TTC27: variants seen among roughly 807,000 people sequenced by gnomAD.
TTC27 encodes tetratricopeptide repeat domain 27.
In TTC27, 79 loss-of-function variants were observed where a neutral mutation model predicts 115.9. The observed-to-expected ratio is 0.68, with a 90% confidence interval of 0.57 to 0.82. TTC27 has a LOEUF of 0.82. TTC27 is among the 40% of genes least tolerant of loss of function. The probability of loss-of-function intolerance (pLI) is 0.00; values close to 1 mark genes in which losing one functional copy is unlikely to be tolerated. For missense variants in TTC27, 1,054 were observed against 993.1 expected (o/e 1.06, Z -0.82); for synonymous variants, 401 against 356.0 (o/e 1.13, Z -1.42).
At chr2:32,743,357 G>A (rs945840660) in intron 12 of TTC27, among the ~76,000 whole-genome samples, 2 of 152,024 alleles carry the variant, frequency 1.3e-5, no homozygotes, top group Admixed American at 6.6e-5. Flanking sequence ...TTTCACTGGA[G>A]GCTCAACTTA....
chr2:32,765,306 T>G (rs545931749), intron 13 of TTC27, among the ~76,000 whole-genome samples: 1 of 152,198 alleles, frequency 6.6e-6, no homozygotes, highest in East Asian at 1.9e-4. Flanking sequence ...TCATCAGAGC[T>G]CTTGTGTGAC....
At position 32,675,216 on chromosome 2, in the gene TTC27, G is replaced by A. The variant is rs115912840; in HGVS notation, c.1052+2832G>A. ...CTTCAGAATTACAGAGTGGCAATTAGGATGTGAATCTAAGTTTTACTGACC... is the reference window on the plus strand; with the variant it reads ...CTTCAGAATTACAGAGTGGCAATTAAGATGTGAATCTAAGTTTTACTGACC... On this transcript the variant is annotated intron_variant, in intron 8 of 19. Coordinates refer to ENST00000317907, the MANE Select transcript of TTC27 (RefSeq NM_017735.5). Among the ~76,000 whole-genome samples the A allele has an allele frequency of 5.1e-3, 784 of 152,234 alleles. 7 individuals carry two copies. Among genetic ancestry groups the A allele is most frequent in the African/African-American group, 0.017 (716 of 41,530 alleles).
chr2:32,651,468 TC>T (rs1305603770), intron 5 of TTC27, among the ~76,000 whole-genome samples: 1 of 152,174 alleles, frequency 6.6e-6, no homozygotes, highest in African/African-American at 2.4e-5. Context: ...TGCCTCAGCC[TC>T]CTGAGTAGCT....
At chr2:32,795,738 T>TATTATTATTATTATTATTATC (rs1670680498) in intron 16 of TTC27, among the ~76,000 whole-genome samples, 1 of 147,108 alleles carries the variant, frequency 6.8e-6, no homozygotes. Context: ...TTATTATTAT[T>TATTATTATTATTATTATTATC]ATTATTATTA....
At chr2:32,631,296 C>G (rs1664196560) in intron 2 of TTC27, among the ~76,000 whole-genome samples, 1 of 151,982 alleles carries the variant, frequency 6.6e-6, no homozygotes, top group Admixed American at 6.6e-5. Context: ...GAGCGAGACT[C>G]TGTCTCAAAA....
rs70938361 is a variant in TTC27, at chr2:32,685,015, CTTTTTTT to C, written c.1119+6109_1119+6115del. ...ACTAATTGCTCTGCTTTGCCTTTTCCTTTTTTTTTTTTTTTTTTTTTTAATTTTATTA... is the reference window on the plus strand; with the variant it reads ...ACTAATTGCTCTGCTTTGCCTTTTCCTTTTTTTTTTTTTTTAATTTTATTA... On this transcript the variant is annotated intron_variant, in intron 9 of 19. Transcript: ENST00000317907. Among the ~76,000 whole-genome samples the C allele has an allele frequency of 4.9e-3, 573 of 116,310 alleles. 2 individuals carry two copies. Among genetic ancestry groups the C allele is most frequent in the African/African-American group, 0.015 (502 of 32,698 alleles). 76.3% of individuals were successfully genotyped at this position (116,310 alleles called of 152,430 possible).
chr2:32,795,725 GTATTATTATTATTAT>G (rs3081615), intron 16 of TTC27, among the ~76,000 whole-genome samples: 1 of 138,696 alleles, frequency 7.2e-6, no homozygotes, highest in African/African-American at 2.7e-5. Flanking sequence ...GCTAATTTTT[GTATTATTATTATTAT>G]TATTATTATT....
At chr2:32,656,174 TA>T (rs577980888) in intron 5 of TTC27, among the ~76,000 whole-genome samples, 69 of 152,288 alleles carry the variant, frequency 4.5e-4, no homozygotes, top group Admixed American at 1.9e-3. Flanking sequence ...GTTTGATATT[TA>T]ATTTAATAAA....
Position 32,820,806 on chromosome 2 carries a change from T to TC in TTC27, c.2410-10_2410-9insC. 6.5e-7 allele frequency: 1 copy of TC among 1,528,560 alleles called. No individual in the cohort carries two copies. The highest frequency in any genetic ancestry group is 1.3e-5 in the South Asian group (1 of 79,394). 94.7% of individuals were successfully genotyped at this position (1,528,560 alleles called of 1,614,324 possible). A position where few individuals can be genotyped will look rare whatever the true frequency, so the allele number is the denominator to read the frequency against. Reference sequence around the variant, plus strand: ...GTTTTAATACTTCTGCTTTGTTTTTTATATTACAGCAACTTTTTACAGATG... The same window carrying TC: ...GTTTTAATACTTCTGCTTTGTTTTTTCATATTACAGCAACTTTTTACAGATG... On this transcript the variant is annotated splice_polypyrimidine_tract_variant and intron_variant, in intron 19 of 19. Transcript: ENST00000317907.
intron 5 of TTC27, 93 bp from the exon 6 acceptor site, chr2:32,664,210 A>G: frequency 1.8e-6 from 2 of 1,084,572 alleles, no homozygotes; most frequent in South Asian, 3.5e-5. Context: ...GAGACTATGT[A>G]CTATATACTT....
intron 15 of TTC27, among the ~76,000 whole-genome samples, chr2:32,786,359 G>A (rs1398843814): frequency 2.6e-5 from 4 of 151,888 alleles, no homozygotes; most frequent in African/African-American, 4.8e-5. Context: ...GGCTGGTCTC[G>A]AACTCCTGAC....
chr2:32,630,083 C>A (rs759813508), intron 1 of TTC27, among the ~76,000 whole-genome samples: 1 of 152,148 alleles, frequency 6.6e-6, no homozygotes, highest in South Asian at 2.1e-4. Context: ...GGCAGGAATA[C>A]GCATGGGACA....
At chr2:32,716,509 T>G (rs991304388) in intron 10 of TTC27, among the ~76,000 whole-genome samples, 1 of 152,162 alleles carries the variant, frequency 6.6e-6, no homozygotes, top group African/African-American at 2.4e-5. Flanking sequence ...TTACATTTCT[T>G]TAATACTTCT....
intron 3 of TTC27, among the ~76,000 whole-genome samples, chr2:32,635,648 C>T (rs950194115): frequency 2.6e-5 from 4 of 152,016 alleles, no homozygotes; most frequent in African/African-American, 9.7e-5. Flanking sequence ...CACGCCACTG[C>T]ACTCCAGCCT....
chr2:32,711,404 C>CT (rs1174576726), intron 10 of TTC27, among the ~76,000 whole-genome samples: 3 of 152,200 alleles, frequency 2.0e-5, no homozygotes, highest in Non-Finnish European at 2.9e-5. Flanking sequence ...CACAATTTGT[C>CT]TAAGTTTCTG....
chr2:32,729,874 C>G (rs1297217643), intron 10 of TTC27, among the ~76,000 whole-genome samples: 1 of 152,084 alleles, frequency 6.6e-6, no homozygotes, highest in Admixed American at 6.6e-5. Flanking sequence ...CCTCATACCA[C>G]TTTTTACTTA....
chr2:32,679,137 T>C (rs373122774), intron 9 of TTC27, among the ~76,000 whole-genome samples: 1 of 152,198 alleles, frequency 6.6e-6, no homozygotes, highest in African/African-American at 2.4e-5. Context: ...TACATGGTCA[T>C]GGTGAAAAAG....
chr2:32,717,008 AT>A (rs10549038), intron 10 of TTC27, among the ~76,000 whole-genome samples: 22,550 of 140,470 alleles, frequency 0.16, 2,391 homozygotes, highest in African/African-American at 0.32. Flanking sequence ...TTTTTTTTTA[AT>A]TTTTTTTTTT....
intron 5 of TTC27, among the ~76,000 whole-genome samples, chr2:32,661,565 C>T (rs1036007849): frequency 2.0e-5 from 3 of 152,048 alleles, no homozygotes; most frequent in Non-Finnish European, 2.9e-5. Flanking sequence ...ATTTGGCTCT[C>T]CATTTGTCTG....
Sources: gnomAD v4.1 joint callset for allele counts (sites outside exome capture counted in the v4.1 genomes callset) on GRCh38, gnomAD v4.1.1 for gene constraint, MANE v1.5 for transcripts, NCBI Gene and HGNC (gene_info 2026-07-23, HGNC 2026-07-21) for gene names.